PPP2R3A: variants seen among roughly 807,000 people sequenced by gnomAD.
The protein encoded by PPP2R3A is protein phosphatase 2 regulatory subunit B''alpha.
A neutral mutation model predicts 106.9 loss-of-function variants in PPP2R3A; 80 were observed. The ratio of observed to expected loss-of-function variants is 0.75; its 90% CI spans 0.62 to 0.90. PPP2R3A has a LOEUF of 0.90. PPP2R3A is among the 40% of genes least tolerant of loss of function. The pLI is 0.00. For synonymous variants in PPP2R3A, 483 were observed against 468.3 expected (o/e 1.03, Z -0.41); for missense variants, 1,386 against 1,350.4 (o/e 1.03, Z -0.41).
chr3:136,101,999 TCATCTAG>T lies in PPP2R3A; in HGVS notation c.2928-4_2930del. 1 of 1,609,920 alleles carries T rather than the reference TCATCTAG, an allele frequency of 6.2e-7. No individual in the cohort carries two copies. The highest frequency in any genetic ancestry group is 8.5e-7 in the Non-Finnish European group (1 of 1,177,190). On this transcript the variant is annotated splice_acceptor_variant and splice_polypyrimidine_tract_variant and intron_variant, in intron 10 of 13. Transcript: ENST00000264977. LOFTEE classifies it high-confidence loss of function. ...AGGCCCATGATAATGATTGTCCTTA[TCATCTAG>T]CATTGAGTATTGGTTCCGCTGCATG...
At chr3:136,000,290 A>G (rs1057463112) in intron 1 of PPP2R3A, among the ~76,000 whole-genome samples, 4 of 152,196 alleles carry the variant, frequency 2.6e-5, no homozygotes, top group African/African-American at 7.2e-5. Flanking sequence ...TAGTGTATAC[A>G]AAGAACCTGG....
At chr3:136,052,648 T>C (rs1935721915) in intron 5 of PPP2R3A, among the ~76,000 whole-genome samples, 1 of 152,204 alleles carries the variant, frequency 6.6e-6, no homozygotes, top group South Asian at 2.1e-4. Context: ...AATAAAAGCT[T>C]TGACAGGAAT....
intron 4 of PPP2R3A, among the ~76,000 whole-genome samples, chr3:136,043,301 T>C (rs1277045461): frequency 6.6e-6 from 1 of 151,938 alleles, no homozygotes; most frequent in African/African-American, 2.4e-5. Flanking sequence ...CTACTAAAAA[T>C]GCAAAAAATT....
chr3:136,011,436 A>G (rs887153941), intron 2 of PPP2R3A, among the ~76,000 whole-genome samples: 5 of 152,030 alleles, frequency 3.3e-5, no homozygotes, highest in South Asian at 2.1e-4. Flanking sequence ...TTTCTATGTT[A>G]TATTTCTGTA....
intron 5 of PPP2R3A, among the ~76,000 whole-genome samples, chr3:136,060,470 T>C (rs977635665): frequency 2.6e-5 from 4 of 152,186 alleles, no homozygotes; most frequent in Admixed American, 2.0e-4. Context: ...TCTAATGGTT[T>C]AGCACCATCC....
intron 5 of PPP2R3A, among the ~76,000 whole-genome samples, chr3:136,060,969 AAAC>A (rs1425517391): frequency 6.6e-6 from 1 of 152,244 alleles, no homozygotes; most frequent in Non-Finnish European, 1.5e-5. Context: ...ACATATTTTG[AAAC>A]AACACACTGT....
chr3:136,090,323 A>C (rs1937064046), intron 9 of PPP2R3A, among the ~76,000 whole-genome samples: 1 of 152,158 alleles, frequency 6.6e-6, no homozygotes, highest in South Asian at 2.1e-4. Flanking sequence ...AGGTAACAGC[A>C]TTTTATCCCA....
chr3:136,114,339 A>G (rs1937657792), intron 13 of PPP2R3A, among the ~76,000 whole-genome samples: 1 of 152,196 alleles, frequency 6.6e-6, no homozygotes, highest in African/African-American at 2.4e-5. Context: ...CTGGGCAGCC[A>G]TTCAGGCAGA....
intron 6 of PPP2R3A, among the ~76,000 whole-genome samples, chr3:136,075,235 A>G (rs1385767422): frequency 6.6e-6 from 1 of 152,242 alleles, no homozygotes; most frequent in Admixed American, 6.5e-5. Flanking sequence ...TCCCTTGGTG[A>G]AAAATGGTCA....
At chr3:136,083,730 G>A (rs887305227) in intron 8 of PPP2R3A, among the ~76,000 whole-genome samples, 14 of 152,196 alleles carry the variant, frequency 9.2e-5, no homozygotes, top group African/African-American at 1.9e-4. Flanking sequence ...AGACTTGAAT[G>A]GCTTTAACCA....
chr3:136,007,235 T>A (rs979197650), intron 2 of PPP2R3A, among the ~76,000 whole-genome samples: 2 of 152,240 alleles, frequency 1.3e-5, no homozygotes, highest in African/African-American at 4.8e-5. Context: ...TTGGCCTTTA[T>A]TTAGCATTAA....
chr3:136,068,924 A>G (rs1042023344), intron 5 of PPP2R3A, among the ~76,000 whole-genome samples: 2 of 152,154 alleles, frequency 1.3e-5, no homozygotes, highest in Non-Finnish European at 2.9e-5. Context: ...TCTCCTGCCA[A>G]AAATGTGTAA....
rs2108050142 is a variant in PPP2R3A at position 136,147,424 on chromosome 3, T to C, written c.*2258T>C. 6.5e-6 allele frequency: 1 copy of C among 152,762 alleles called. No individual in the cohort carries two copies. Among genetic ancestry groups the C allele is most frequent in the East Asian group, 1.9e-4 (1 of 5,190 alleles). 9.5% of individuals were successfully genotyped at this position (152,762 alleles called of 1,614,324 possible). ...ATACCATTCCATTTAAAATGGGCTATTGTAATTTACCCACATTATCACATT... is the reference window on the plus strand; with the variant it reads ...ATACCATTCCATTTAAAATGGGCTACTGTAATTTACCCACATTATCACATT... On this transcript the variant is annotated 3_prime_UTR_variant, in exon 14 of 14. Transcript: ENST00000264977.
intron 10 of PPP2R3A, 147 bp from the exon 11 acceptor site, chr3:136,101,860 G>T: frequency 1.1e-6 from 1 of 896,976 alleles, no homozygotes; most frequent in Non-Finnish European, 1.6e-6. Context: ...GAAGGGGTCC[G>T]CCATTTTCTC....
chr3:136,053,175 TG>T (rs1935738631), intron 5 of PPP2R3A, among the ~76,000 whole-genome samples: 1 of 152,240 alleles, frequency 6.6e-6, no homozygotes, highest in Middle Eastern at 3.4e-3. Flanking sequence ...AGATAACTAT[TG>T]GGTACTGGGC....
At chr3:136,012,418 C>T (rs1934116578) in intron 2 of PPP2R3A, among the ~76,000 whole-genome samples, 1 of 152,084 alleles carries the variant, frequency 6.6e-6, no homozygotes, top group South Asian at 2.1e-4. Context: ...AATGTGTTCC[C>T]ATAATTTGGA....
intron 8 of PPP2R3A, among the ~76,000 whole-genome samples, chr3:136,086,653 TC>T (rs753355572): frequency 3.3e-5 from 5 of 152,194 alleles, no homozygotes; most frequent in Non-Finnish European, 7.3e-5. Flanking sequence ...CCTCTTTTTT[TC>T]TATCTAGTAC....
intron 13 of PPP2R3A, among the ~76,000 whole-genome samples, chr3:136,126,809 A>G (rs978247052): frequency 1.3e-5 from 2 of 152,172 alleles, no homozygotes; most frequent in African/African-American, 4.8e-5. Context: ...ATCAGGCAGC[A>G]ATATTTGCCA....
intron 13 of PPP2R3A, among the ~76,000 whole-genome samples, chr3:136,113,048 G>A (rs528444837): frequency 1.2e-4 from 18 of 151,998 alleles, no homozygotes; most frequent in East Asian, 1.2e-3. Context: ...CAGGAAAATC[G>A]CTTGAGCCCA....
Sources: allele counts gnomAD v4.1 joint callset (sites outside exome capture counted in the v4.1 genomes callset), GRCh38; gene constraint gnomAD v4.1.1; transcripts MANE v1.5; gene names NCBI Gene and HGNC (gene_info 2026-07-23, HGNC 2026-07-21).